The following UXS1 variants were observed in gnomAD, a reference collection of about 807,000 sequenced individuals.
UXS1 encodes the protein UDP-glucuronate decarboxylase 1.
A neutral mutation model predicts 62.6 loss-of-function variants in UXS1; 33 were observed. That is an observed-to-expected ratio of 0.53 (90% CI 0.40 to 0.70). UXS1 has a LOEUF of 0.70. Among genes scored for constraint, UXS1 ranks in the 30% least tolerant of loss-of-function variants. The pLI is 0.00. For missense variants in UXS1, 434 were observed against 556.3 expected (o/e 0.78, Z 2.21); for synonymous variants, 213 against 206.8 (o/e 1.03, Z -0.26).
chr2:106,119,550 A>G (rs964074124), intron 9 of UXS1, among the ~76,000 whole-genome samples: 44 of 152,212 alleles, frequency 2.9e-4, no homozygotes, highest in Non-Finnish European at 5.9e-5. Flanking sequence ...CACCCACAGC[A>G]GGCACGCAGA....
At chr2:106,122,854 CA>C (rs1431955068) in intron 9 of UXS1, 115 bp downstream of exon 9, 25 of 1,425,318 alleles carry the variant, frequency 1.8e-5, no homozygotes, top group Non-Finnish European at 2.3e-5. Flanking sequence ...CTGAGCTTCC[CA>C]AACACCTATC....
intron 10 of UXS1, among the ~76,000 whole-genome samples, chr2:106,106,889 G>A (rs1678119676): frequency 6.6e-6 from 1 of 152,206 alleles, no homozygotes; most frequent in South Asian, 2.1e-4. Flanking sequence ...AAGCGCTGGA[G>A]TGACCTGCAT....
intron 6 of UXS1, among the ~76,000 whole-genome samples, chr2:106,139,066 AGCCCAGGACAAAG>A (rs3840465): frequency 0.018 from 2,741 of 152,272 alleles, 41 homozygotes; most frequent in East Asian, 0.064. Context: ...TAACCCTCAC[AGCCCAGGACAAAG>A]GCCCTGGGAA....
intron 13 of UXS1, 56 bp from the exon 14 acceptor site, chr2:106,096,877 C>T (rs898638392): frequency 3.4e-6 from 5 of 1,490,624 alleles, no homozygotes; most frequent in Non-Finnish European, 4.6e-6. Flanking sequence ...TGGGTAAGCA[C>T]AGCCTTACCA....
At chr2:106,175,511 G>C (rs1046892291) in intron 1 of UXS1, among the ~76,000 whole-genome samples, 3 of 152,182 alleles carry the variant, frequency 2.0e-5, no homozygotes, top group African/African-American at 7.2e-5. Flanking sequence ...TTTTAAGTCT[G>C]GGGGTCTTGA....
intron 5 of UXS1, among the ~76,000 whole-genome samples, chr2:106,151,393 G>A (rs1334687407): frequency 1.3e-5 from 2 of 152,096 alleles, no homozygotes; most frequent in Non-Finnish European, 2.9e-5. Flanking sequence ...AGAAGTTATT[G>A]GGCTATGAGG....
intron 6 of UXS1, among the ~76,000 whole-genome samples, chr2:106,144,989 A>G (rs1681446676): frequency 6.6e-6 from 1 of 152,198 alleles, no homozygotes; most frequent in African/African-American, 2.4e-5. Flanking sequence ...CGTAGGAGAG[A>G]AGACGGCTAT....
chr2:106,169,481 G>C (rs1158050539), intron 1 of UXS1, among the ~76,000 whole-genome samples: 4 of 152,104 alleles, frequency 2.6e-5, no homozygotes, highest in Non-Finnish European at 5.9e-5. Context: ...CAAATCACTT[G>C]AGCTCTGGAG....
chr2:106,101,084 T>C lies in UXS1; in HGVS notation c.958A>G (p.Ser320Gly). 6.2e-7 allele frequency: 1 copy of C among 1,613,826 alleles called. No homozygotes were observed. The highest frequency in any genetic ancestry group is 1.3e-5 in the African/African-American group (1 of 74,960). Residue 320 changes from serine to glycine, a missense_variant, in exon 12 of 15, where the codon AGC becomes GGC. Coordinates refer to ENST00000283148, the MANE Select transcript of UXS1 (RefSeq NM_001253875.2). ...AGGTTGACCGGGCTGCTGACGTTGC[T>C]GTTCATGAGAGCCACGAGGCCATTC... is the stretch of plus-strand genomic sequence containing the variant. ...LVNGLVALMNSNVSSPVNLGN... is the reference protein window; with the variant it reads ...LVNGLVALMNGNVSSPVNLGN...
At chr2:106,145,115 C>G in intron 6 of UXS1, 75 bp downstream of exon 6, 53 of 1,506,504 alleles carry the variant, frequency 3.5e-5, no homozygotes, top group Non-Finnish European at 4.7e-5. Flanking sequence ...AAACAGCTTA[C>G]CCTCAGGAAT....
chr2:106,180,493 C>G (rs1029956828), intron 1 of UXS1, among the ~76,000 whole-genome samples: 1 of 152,162 alleles, frequency 6.6e-6, no homozygotes, highest in South Asian at 2.1e-4. Context: ...ATAAGTATTT[C>G]AGTAACAATT....
intron 6 of UXS1, among the ~76,000 whole-genome samples, chr2:106,144,201 T>C (rs189442806): frequency 3.9e-5 from 6 of 152,318 alleles, no homozygotes; most frequent in South Asian, 2.1e-4. Context: ...ATAATCTACA[T>C]AGCCTGTTAT....
At chr2:106,120,004 G>A (rs776242651) in intron 9 of UXS1, among the ~76,000 whole-genome samples, 1 of 152,086 alleles carries the variant, frequency 6.6e-6, no homozygotes, top group African/African-American at 2.4e-5. Context: ...ACTGAAACCT[G>A]TCTCAGCTGT....
intron 4 of UXS1, among the ~76,000 whole-genome samples, chr2:106,158,884 T>A (rs1176600019): frequency 6.6e-6 from 1 of 152,170 alleles, no homozygotes; most frequent in African/African-American, 2.4e-5. Context: ...TCTTTCAGAT[T>A]TAGCATTTTG....
At position 106,169,897 on chromosome 2, in the gene UXS1, G is replaced by T. The variant is rs1163885562; in HGVS notation, c.95-3814C>A. Among the ~76,000 whole-genome samples, 5 of 151,976 alleles carry T rather than the reference G, an allele frequency of 3.3e-5. No individual in the cohort carries two copies. The East Asian group carries it at 9.7e-4, about 29-fold the overall frequency. ...GCCCATGCTTCCCAGGATCAGCCCTGGGGAATGATGTCCAAGCCACAGCCA... is the reference window on the plus strand; with the variant it reads ...GCCCATGCTTCCCAGGATCAGCCCTTGGGAATGATGTCCAAGCCACAGCCA... On this transcript the variant is annotated intron_variant, in intron 1 of 14. Transcript: ENST00000283148.
chr2:106,146,331 T>C (rs4417735), intron 5 of UXS1, among the ~76,000 whole-genome samples: 14,902 of 152,220 alleles, frequency 0.098, 955 homozygotes, highest in Non-Finnish European at 0.14. Context: ...ACGGAAAGTA[T>C]TAATAGGAAG....
intron 1 of UXS1, chr2:106,183,852 T>C (rs556247715): frequency 6.2e-4 from 94 of 152,272 alleles, no homozygotes; most frequent in African/African-American, 2.2e-3. Context: ...AACAGAAGGT[T>C]AGAAAGCTTG....
intron 5 of UXS1, among the ~76,000 whole-genome samples, chr2:106,150,544 CAGCTCA>C (rs1187396731): frequency 6.6e-6 from 1 of 152,244 alleles, no homozygotes; most frequent in Non-Finnish European, 1.5e-5. Flanking sequence ...AGTCCAGGTG[CAGCTCA>C]AGCTACCGCT....
At chr2:106,158,400 G>C (rs1349599622) in intron 4 of UXS1, among the ~76,000 whole-genome samples, 2 of 152,220 alleles carry the variant, frequency 1.3e-5, no homozygotes, top group African/African-American at 4.8e-5. Context: ...AGCTGCTAAA[G>C]CAGGGCAGGC....
Sources: allele counts gnomAD v4.1 joint callset (sites outside exome capture counted in the v4.1 genomes callset), GRCh38; gene constraint gnomAD v4.1.1; transcripts MANE v1.5; gene names NCBI Gene and HGNC (gene_info 2026-07-23, HGNC 2026-07-21).